The following AAMDC variants were observed in gnomAD, a reference collection of about 807,000 sequenced individuals.
AAMDC encodes the protein adipogenesis associated Mth938 domain containing, also known as mth938 domain-containing protein.
Under a neutral mutation model 15.5 loss-of-function variants are expected in AAMDC, and 16 were observed. The ratio of observed to expected loss-of-function variants is 1.03; its 90% CI spans 0.70 to 1.57. The LOEUF (loss-of-function observed/expected upper bound fraction) is 1.57. AAMDC is among the 40% of genes most tolerant of loss of function. The probability of loss-of-function intolerance (pLI) is 0.00; values close to 1 mark genes in which losing one functional copy is unlikely to be tolerated. For missense variants in AAMDC, 141 were observed against 144.9 expected, an observed-to-expected ratio of 0.97 and a Z score of 0.14; for synonymous variants, 51 against 51.6, an observed-to-expected ratio of 0.99 and a Z score of 0.05.
At chr11:77,865,355 C>T (rs1951064093) in intron 2 of AAMDC, among the ~76,000 whole-genome samples, 1 of 152,156 alleles carries the variant, frequency 6.6e-6, no homozygotes, top group South Asian at 2.1e-4. Context: ...AGCACAATTT[C>T]ATTTAGGGGC....
chr11:77,856,377 T>C lies in AAMDC; in HGVS notation c.133-13345T>C, dbSNP rs138224470. On this transcript the variant is annotated intron_variant, in intron 2 of 3. Transcript: ENST00000393427. ...AGGAATTTCCAAATTTGCCCTCATCTTCCTTTCTTCTTCTGAGCCCTTCAA... is the reference window on the plus strand; with the variant it reads ...AGGAATTTCCAAATTTGCCCTCATCCTCCTTTCTTCTTCTGAGCCCTTCAA... 2.2e-3 allele frequency among the ~76,000 whole-genome samples: 336 copies of C among 152,350 alleles called. 2 individuals are homozygous for C. Among genetic ancestry groups the C allele is most frequent in the African/African-American group, 7.9e-3 (328 of 41,580 alleles).
chr11:77,891,595 G>A, intron 5 of AAMDC: 5 of 1,578,054 alleles, frequency 3.2e-6, no homozygotes, highest in South Asian at 1.2e-5. Context: ...TAGCCCAGCT[G>A]CTCCACTGGT....
chr11:77,861,220 G>A (rs546626333), intron 2 of AAMDC, among the ~76,000 whole-genome samples: 26 of 152,140 alleles, frequency 1.7e-4, no homozygotes, highest in Non-Finnish European at 3.4e-4. Flanking sequence ...AATGGCCCCT[G>A]CTTTTGCTAG....
At chr11:77,842,749 T>C (rs1277764241) in intron 2 of AAMDC, 121 bp downstream of exon 2, 6 of 1,345,078 alleles carry the variant, frequency 4.5e-6, no homozygotes, top group South Asian at 1.4e-5. Context: ...ATAATTCATA[T>C]ACCATTAAAT....
intron 2 of AAMDC, among the ~76,000 whole-genome samples, chr11:77,865,920 C>T (rs1368064361): frequency 6.6e-6 from 1 of 152,116 alleles, no homozygotes; most frequent in Admixed American, 6.5e-5. Context: ...AGGCCTCTGC[C>T]CTGGCAGAGG....
chr11:77,869,321 T>TTC lies in AAMDC; in HGVS notation c.133-400_133-399insCT, dbSNP rs1424474852. The TTC allele has an allele frequency of 1.6e-3, 262 of 166,092 alleles. 3 individuals carry two copies. Among genetic ancestry groups the TTC allele is most frequent in the African/African-American group, 5.7e-3 (231 of 40,260 alleles). The allele number at this position is 166,092 out of a possible 1,614,324, so 10.3% of individuals were successfully genotyped here. A position where few individuals can be genotyped will look rare whatever the true frequency, so the allele number is the denominator to read the frequency against. The stretch of plus-strand genomic sequence containing the variant: ...TTATTTATCTCTTTTTCTTTTTTTT[T>TTC]TTTTTTTTTTAGATAGGGTCTCACT... On this transcript the variant is annotated intron_variant, in intron 2 of 3. Transcript: ENST00000393427.
At chr11:77,889,838 T>A (rs1404514819) in intron 5 of AAMDC, among the ~76,000 whole-genome samples, 1 of 152,160 alleles carries the variant, frequency 6.6e-6, no homozygotes, top group Non-Finnish European at 1.5e-5. Flanking sequence ...TTGCGTGTGG[T>A]AGAGGTGCTA....
At chr11:77,859,337 CTGA>C (rs1565209061) in intron 2 of AAMDC, among the ~76,000 whole-genome samples, 1 of 152,150 alleles carries the variant, frequency 6.6e-6, no homozygotes, top group African/African-American at 2.4e-5. Context: ...CCTTTCCTTT[CTGA>C]TGACCCCAGC....
At chr11:77,842,345 A>G in intron 1 of AAMDC, 134 bp from the exon 2 acceptor site, 1 of 835,676 alleles carries the variant, frequency 1.2e-6, no homozygotes, top group Non-Finnish European at 1.8e-6. Flanking sequence ...AGACCTCTAA[A>G]GAAGAAGTAA....
chr11:77,904,415 A>G (rs1952877716), downstream of AAMDC, among the ~76,000 whole-genome samples: 1 of 152,260 alleles, frequency 6.6e-6, no homozygotes, highest in Non-Finnish European at 1.5e-5. Context: ...AAAAAAGTTT[A>G]TTTAACCCAG....
At chr11:77,887,863 C>T (rs530329761) in intron 5 of AAMDC, among the ~76,000 whole-genome samples, 1 of 152,284 alleles carries the variant, frequency 6.6e-6, no homozygotes, top group South Asian at 2.1e-4. Context: ...ATCCAACTTA[C>T]AAGAGATGTG....
At chr11:77,900,138 T>C (rs1409249780) in intron 5 of AAMDC, among the ~76,000 whole-genome samples, 7 of 152,046 alleles carry the variant, frequency 4.6e-5, no homozygotes, top group East Asian at 1.9e-4. Flanking sequence ...CTTGCTCTGT[T>C]GCCCAGGCTG....
At chr11:77,886,311 C>T (rs994114988) in intron 5 of AAMDC, among the ~76,000 whole-genome samples, 2 of 152,214 alleles carry the variant, frequency 1.3e-5, no homozygotes, top group African/African-American at 2.4e-5. Flanking sequence ...CATTTGTCTA[C>T]TCCAAAAGTG....
chr11:77,861,002 C>A lies in AAMDC; in HGVS notation c.133-8720C>A, dbSNP rs536312634. On this transcript the variant is annotated intron_variant, in intron 2 of 3. Transcript: ENST00000393427. ...AGGCCGTGGGCTTTTAGGTTCTTAA[C>A]AATTTTCTTGAGTCCTTGTTGGGCC... is the stretch of plus-strand genomic sequence containing the variant. Among the ~76,000 whole-genome samples the A allele has an allele frequency of 3.9e-5, 6 of 152,238 alleles. No individual in the cohort carries two copies. In the South Asian group the frequency reaches 1.2e-3, roughly 32 times the overall value.
At chr11:77,884,087 T>C (rs1470117803) in intron 5 of AAMDC, 7 of 819,504 alleles carry the variant, frequency 8.5e-6, no homozygotes, top group Non-Finnish European at 1.3e-5. Flanking sequence ...GCCTTGGGGG[T>C]AGGTCAACAC....
At chr11:77,904,302 T>C (rs189250035), downstream of AAMDC, among the ~76,000 whole-genome samples, 7 of 152,312 alleles carry the variant, frequency 4.6e-5, no homozygotes, top group East Asian at 1.3e-3. Flanking sequence ...CCAATAGAAA[T>C]ATAACATGAG....
intron 5 of AAMDC, chr11:77,884,009 G>A: frequency 6.4e-7 from 1 of 1,561,286 alleles, no homozygotes; most frequent in African/African-American, 1.4e-5. Context: ...TTAACAAAAT[G>A]GATGATGACA....
chr11:77,835,396 C>T (rs1328199552), intron 1 of AAMDC, among the ~76,000 whole-genome samples: 1 of 152,104 alleles, frequency 6.6e-6, no homozygotes, highest in Non-Finnish European at 1.5e-5. Context: ...AACTACTATA[C>T]CTGCCGTATG....
intron 5 of AAMDC, among the ~76,000 whole-genome samples, chr11:77,883,250 G>A (rs1951863270): frequency 6.6e-6 from 1 of 152,088 alleles, no homozygotes. Context: ...ACACCACTGA[G>A]GCCAATTCTG....
Sources: gnomAD v4.1 joint callset for allele counts (sites outside exome capture counted in the v4.1 genomes callset) on GRCh38, gnomAD v4.1.1 for gene constraint, MANE v1.5 for transcripts, NCBI Gene and HGNC (gene_info 2026-07-23, HGNC 2026-07-21) for gene names.